Variants in CACNA2D1 observed in about 807,000 individuals in gnomAD.
The protein encoded by CACNA2D1 is voltage-dependent calcium channel subunit alpha-2/delta-1.
CACNA2D1 carries 53 observed loss-of-function variants against 171.5 expected under a neutral mutation model. The ratio of observed to expected loss-of-function variants is 0.31; its 90% CI spans 0.25 to 0.39. The LOEUF (loss-of-function observed/expected upper bound fraction) is 0.39, where lower values mean the gene tolerates loss of function less well. Among genes scored for constraint, CACNA2D1 ranks in the 10% least tolerant of loss-of-function variants. The probability of loss-of-function intolerance (pLI) is 1.00; values close to 1 mark genes in which losing one functional copy is unlikely to be tolerated. For missense variants in CACNA2D1, 903 were observed against 1,299.8 expected, an observed-to-expected ratio of 0.69 and a Z score of 4.69; for synonymous variants, 442 against 443.1, an observed-to-expected ratio of 1.00 and a Z score of 0.03.
intron 38 of CACNA2D1, among the ~76,000 whole-genome samples, chr7:81,958,956 T>G (rs2130163477): frequency 6.6e-6 from 1 of 152,124 alleles, no homozygotes; most frequent in Admixed American, 6.6e-5. Flanking sequence ...AATTAACTTT[T>G]ATATCTTCAG....
rs1313096396 is a variant in CACNA2D1 at position 81,995,026 on chromosome 7, C to A, written c.1663-87G>T. 3 of 735,148 alleles carry A rather than the reference C, an allele frequency of 4.1e-6. No individual in the cohort carries two copies. In the African/African-American group the frequency reaches 5.3e-5, roughly 13 times the overall value. The allele number at this position is 735,148 out of a possible 1,614,324, so 45.5% of individuals were successfully genotyped here. On this transcript the variant is annotated intron_variant, in intron 19 of 38. Coordinates refer to ENST00000356860, the MANE Select transcript of CACNA2D1 (RefSeq NM_000722.4). ...TATTAACATGGTAGTTTTTCAAGTT[C>A]TTTACCTTATTTAGAACAAATAAAA...
At chr7:82,364,026 G>A (rs1177488679) in intron 1 of CACNA2D1, among the ~76,000 whole-genome samples, 1 of 152,150 alleles carries the variant, frequency 6.6e-6, no homozygotes, top group Non-Finnish European at 1.5e-5. Flanking sequence ...TTGAGGCCAG[G>A]AGTTCAAGAC....
intron 32 of CACNA2D1, 76 bp from the exon 33 acceptor site, chr7:81,964,435 A>G: frequency 8.7e-7 from 1 of 1,149,146 alleles, no homozygotes. Context: ...TCACCACTAC[A>G]GTGAAAAGAA....
intron 3 of CACNA2D1, among the ~76,000 whole-genome samples, chr7:82,221,898 A>G (rs890175757): frequency 3.9e-5 from 6 of 151,976 alleles, no homozygotes; most frequent in African/African-American, 1.4e-4. Flanking sequence ...GAAGAAAAAA[A>G]CTCAGTCTGA....
At chr7:82,052,729 G>T (rs896224440) in intron 10 of CACNA2D1, among the ~76,000 whole-genome samples, 1 of 152,174 alleles carries the variant, frequency 6.6e-6, no homozygotes, top group Admixed American at 6.6e-5. Flanking sequence ...ACACGGTAAA[G>T]AAAGTAAATA....
chr7:82,381,647 A>C (rs1823726095), intron 1 of CACNA2D1, among the ~76,000 whole-genome samples: 1 of 152,176 alleles, frequency 6.6e-6, no homozygotes, highest in Non-Finnish European at 1.5e-5. Flanking sequence ...TCAAGTATTG[A>C]AAATTTATGG....
rs535221062 is a variant in CACNA2D1 at position 82,160,296 on chromosome 7, C to T, written c.354+10254G>A. ...AACTCAGATTAGAGCATTCTACCACCTCCTTGGTCAACATACTTAACAAAA... is the reference window on the plus strand; with the variant it reads ...AACTCAGATTAGAGCATTCTACCACTTCCTTGGTCAACATACTTAACAAAA... On this transcript the variant is annotated intron_variant, in intron 4 of 38. Coordinates refer to ENST00000356860, the MANE Select transcript of CACNA2D1 (RefSeq NM_000722.4). Among the ~76,000 whole-genome samples, 16 of 151,954 alleles carry T rather than the reference C, an allele frequency of 1.1e-4. No individual in the cohort carries two copies. The East Asian group carries it at 3.1e-3, about 30-fold the overall frequency.
chr7:82,393,729 A>G (rs1825456879), intron 1 of CACNA2D1, among the ~76,000 whole-genome samples: 1 of 152,242 alleles, frequency 6.6e-6, no homozygotes, highest in South Asian at 2.1e-4. Context: ...TATGATATAA[A>G]CAAGACAGGA....
In CACNA2D1 at chr7:82,082,924, T is replaced by G. The variant is rs192582579; in HGVS notation, c.658+1845A>C. Among the ~76,000 whole-genome samples the G allele has an allele frequency of 1.5e-4, 23 of 152,208 alleles. 1 individual carries two copies. The East Asian group carries it at 4.1e-3, about 27-fold the overall frequency. On this transcript the variant is annotated intron_variant, in intron 7 of 38. Coordinates refer to ENST00000356860, the MANE Select transcript of CACNA2D1 (RefSeq NM_000722.4). ...TTTATTAGTAATTTTTAAAGTTAACTGCTATTTGTTAAAAGAGCCATTTTT... is the reference window on the plus strand; with the variant it reads ...TTTATTAGTAATTTTTAAAGTTAACGGCTATTTGTTAAAAGAGCCATTTTT...
chr7:82,013,155 ACT>A (rs1311024280), intron 14 of CACNA2D1, among the ~76,000 whole-genome samples: 2 of 151,962 alleles, frequency 1.3e-5, no homozygotes, highest in Non-Finnish European at 2.9e-5. Context: ...TTTGTAGTAG[ACT>A]CAAGTTCAAA....
chr7:82,380,863 T>G (rs1403133989), intron 1 of CACNA2D1, among the ~76,000 whole-genome samples: 2 of 151,860 alleles, frequency 1.3e-5, no homozygotes, highest in African/African-American at 2.4e-5. Flanking sequence ...CCCGGCTAAT[T>G]TTTTTATTTT....
intron 1 of CACNA2D1, among the ~76,000 whole-genome samples, chr7:82,363,002 G>A (rs372840179): frequency 5.9e-5 from 9 of 152,124 alleles, no homozygotes; most frequent in African/African-American, 1.9e-4. Flanking sequence ...TATAATTGTC[G>A]TATGAATTGT....
chr7:81,992,619 C>T (rs955501570), intron 20 of CACNA2D1, among the ~76,000 whole-genome samples: 1 of 152,154 alleles, frequency 6.6e-6, no homozygotes, highest in African/African-American at 2.4e-5. Flanking sequence ...AAAACAGTAT[C>T]AGAGCAGAGA....
intron 18 of CACNA2D1, 102 bp from the exon 19 acceptor site, chr7:81,997,352 TAGGATACAATAATTGTATA>T (rs1798148311): frequency 1.4e-6 from 1 of 717,838 alleles, no homozygotes; most frequent in African/African-American, 1.7e-5. Context: ...AAAAATTACC[TAGGATACAATAATTGTATA>T]AAGGTATCTT....
At chr7:82,047,974 A>G (rs1231818555) in intron 10 of CACNA2D1, among the ~76,000 whole-genome samples, 1 of 152,160 alleles carries the variant, frequency 6.6e-6, no homozygotes, top group Non-Finnish European at 1.5e-5. Context: ...TCAGGCAGCT[A>G]TCTAGGCCTG....
At chr7:82,289,170 C>A (rs1470861326) in intron 3 of CACNA2D1, among the ~76,000 whole-genome samples, 4 of 152,068 alleles carry the variant, frequency 2.6e-5, no homozygotes, top group African/African-American at 9.7e-5. Context: ...TTGAATTTAT[C>A]AAATGCAAAA....
chr7:81,991,568 T>C (rs551392973), intron 20 of CACNA2D1, among the ~76,000 whole-genome samples: 2 of 152,234 alleles, frequency 1.3e-5, no homozygotes, highest in Non-Finnish European at 2.9e-5. Context: ...GATATGTCCA[T>C]ACTAAAGTAT....
At chr7:82,109,978 C>T (rs747227870) in intron 6 of CACNA2D1, among the ~76,000 whole-genome samples, 4 of 152,100 alleles carry the variant, frequency 2.6e-5, no homozygotes, top group Admixed American at 2.0e-4. Flanking sequence ...TTTTTTACCC[C>T]AGGATTGTAC....
At chr7:81,991,303 AAAAGT>A in intron 20 of CACNA2D1, 57 bp from the exon 21 acceptor site, 1 of 867,906 alleles carries the variant, frequency 1.2e-6, no homozygotes, top group Middle Eastern at 2.3e-4. Context: ...AATATATACG[AAAAGT>A]AAAGCCGTAG....
Sources: gnomAD v4.1 joint callset for allele counts (sites outside exome capture counted in the v4.1 genomes callset) on GRCh38, gnomAD v4.1.1 for gene constraint, MANE v1.5 for transcripts, NCBI Gene and HGNC (gene_info 2026-07-23, HGNC 2026-07-21) for gene names.